GPR89A: variants seen among roughly 807,000 people sequenced by gnomAD.
GPR89A encodes the protein golgi pH regulator A.
A neutral mutation model predicts 52.0 loss-of-function variants in GPR89A; 16 were observed. The ratio of observed to expected loss-of-function variants is 0.31; its 90% CI spans 0.21 to 0.47. The LOEUF (loss-of-function observed/expected upper bound fraction) is 0.47, where lower values mean the gene tolerates loss of function less well. GPR89A is among the 20% of genes least tolerant of loss of function. The pLI, the probability that GPR89A is intolerant of heterozygous loss-of-function variation, is 1.00. For synonymous variants in GPR89A, 55 were observed against 150.9 expected (o/e 0.36, Z 4.66); for missense variants, 135 against 449.4 (o/e 0.30, Z 6.33).
In GPR89A at chr1:145,608,272, CCT is replaced by C. The variant is rs1302595826; in HGVS notation, c.42+102_42+103del. On this transcript the variant is annotated intron_variant, in intron 1 of 13. Transcript: ENST00000313835. ...GTGCGGGCTGGTCCGGGGTCTCGCTCCTCTCTTACGCGTCCTGCGCTAGTCAC... is the reference window on the plus strand; with the variant it reads ...GTGCGGGCTGGTCCGGGGTCTCGCTCCTCTTACGCGTCCTGCGCTAGTCAC... 5.3e-6 allele frequency: 8 copies of C among 1,519,432 alleles called. No homozygotes were observed. In the East Asian group the frequency reaches 9.0e-5, roughly 17 times the overall value. 94.1% of individuals were successfully genotyped at this position (1,519,432 alleles called of 1,614,324 possible).
At chr1:145,612,414 G>GTTTA (rs1648360428) in intron 1 of GPR89A, among the ~76,000 whole-genome samples, 1 of 151,954 alleles carries the variant, frequency 6.6e-6, no homozygotes, top group Admixed American at 6.6e-5. Context: ...TTTTGAAGTG[G>GTTTA]TTAAAAGCAC....
At chr1:145,664,153 A>ACC (rs1553696085) in intron 11 of GPR89A, among the ~76,000 whole-genome samples, 1 of 151,104 alleles carries the variant, frequency 6.6e-6, no homozygotes, top group African/African-American at 2.4e-5. Flanking sequence ...ACTGCGTGCT[A>ACC]CCCCCAGCCA....
chr1:145,650,432 G>A (rs1405347434), intron 10 of GPR89A, among the ~76,000 whole-genome samples: 1 of 152,040 alleles, frequency 6.6e-6, no homozygotes, highest in African/African-American at 2.4e-5. Flanking sequence ...TGTGAATAGT[G>A]CTGCAGTGGA....
intron 7 of GPR89A, among the ~76,000 whole-genome samples, chr1:145,642,722 T>TA (rs1650733989): frequency 6.6e-6 from 1 of 151,926 alleles, no homozygotes; most frequent in Non-Finnish European, 1.5e-5. Flanking sequence ...CACCTTGAGT[T>TA]ACATTTTTCT....
chr1:145,608,263 G>T, intron 1 of GPR89A, 88 bp downstream of exon 1: 1 of 1,559,530 alleles, frequency 6.4e-7, no homozygotes, highest in Non-Finnish European at 8.8e-7. Flanking sequence ...GCTGGTCCGG[G>T]GTCTCGCTCC....
At chr1:145,657,386 G>A (rs1437821944) in intron 10 of GPR89A, among the ~76,000 whole-genome samples, 1 of 145,028 alleles carries the variant, frequency 6.9e-6, no homozygotes, top group African/African-American at 2.6e-5. Flanking sequence ...GGGAGACTCT[G>A]TCTCAAAAAA....
Position 145,623,113 on chromosome 1 carries a change from T to C in GPR89A, c.266T>C (p.Met89Thr), listed in dbSNP as rs587749855. Residue 89 changes from methionine (M) to threonine (T), a missense_variant, in exon 4 of 14, where the codon ATG (methionine) becomes ACG (threonine). Transcript: ENST00000313835. Reference protein sequence around the residue: ...LCVILLILVFMVPFYIGYFIV... With the variant: ...LCVILLILVFTVPFYIGYFIV... ...GTAATTCTGCTGATCCTGGTTTTCA[T>C]GGTGCCTTTTTACATTGGCTATTTT... is the stretch of plus-strand genomic sequence containing the variant. 1.2e-5 allele frequency: 19 copies of C among 1,612,704 alleles called. No homozygotes were observed. The Admixed American group carries it at 2.5e-4, about 21-fold the overall frequency.
rs1455998988 is a variant in GPR89A, at chr1:145,647,182, T to C, written c.824T>C (p.Ile275Thr). 1.5e-5 allele frequency: 23 copies of C among 1,571,514 alleles called. No individual in the cohort carries two copies. The highest frequency in any genetic ancestry group is 1.1e-4 in the East Asian group (5 of 43,812). ...TADLYATKER[I>T]EYSKTFKGKY... is the part of the protein sequence containing the mutation. The stretch of plus-strand genomic sequence containing the variant: ...GTGTTTGTTTTCCCCCAGGAGAGAA[T>C]AGAATACTCCAAAACCTTCAAGGGG... Residue 275 changes from isoleucine (I) to threonine (T), a missense_variant, in exon 10 of 14, where the codon ATA (isoleucine) becomes ACA (threonine). By Grantham distance (89) the Ile-to-Thr change is moderately conservative (BLOSUM62 -1). Coordinates refer to ENST00000313835, the MANE Select transcript of GPR89A (RefSeq NM_001097612.2).
intron 3 of GPR89A, among the ~76,000 whole-genome samples, chr1:145,620,789 A>G (rs1415726826): frequency 7.2e-5 from 11 of 152,232 alleles, no homozygotes; most frequent in African/African-American, 2.6e-4. Context: ...CTATTCAAAT[A>G]TGTAATCTTG....
chr1:145,664,456 C>T (rs1652420696), intron 11 of GPR89A, among the ~76,000 whole-genome samples: 1 of 151,864 alleles, frequency 6.6e-6, no homozygotes. Flanking sequence ...TCAAGACCAG[C>T]CTGGGCAACA....
chr1:145,653,464 A>G (rs1211379143), intron 10 of GPR89A, among the ~76,000 whole-genome samples: 2 of 148,300 alleles, frequency 1.3e-5, no homozygotes, highest in African/African-American at 2.5e-5. Context: ...TTGGGTAGAG[A>G]GTTCTGTAGA....
At chr1:145,618,867 A>AT (rs1648905857) in intron 3 of GPR89A, among the ~76,000 whole-genome samples, 1 of 142,502 alleles carries the variant, frequency 7.0e-6, no homozygotes, top group South Asian at 2.4e-4. Flanking sequence ...ATTTTTATTG[A>AT]TTTTACAGTC....
In GPR89A at chr1:145,669,850, C is replaced by G. The variant is rs1553697180; in HGVS notation, c.1178C>G (p.Ser393Cys). The G allele has an allele frequency of 1.4e-6, 2 of 1,439,124 alleles. No individual in the cohort carries two copies. Among genetic ancestry groups the G allele is most frequent in the East Asian group, 4.6e-5 (2 of 43,744 alleles). The allele number at this position is 1,439,124 out of a possible 1,614,324, so 89.1% of individuals were successfully genotyped here. A position where few individuals can be genotyped will look rare whatever the true frequency, so the allele number is the denominator to read the frequency against. ...LAQIMGMYFV[S>C]SVLLIRMSMP... ...GACTTACAGGGCATGTACTTTGTCT[C>G]CTCTGTGCTGCTGATCCGAATGAGT... The change falls in exon 14 of 14, where the codon TCC becomes TGC. Residue 393 changes from serine to cysteine, a missense_variant. Around this residue, in one of 10 missense-constraint regions of GPR89A, gnomAD observed 22 missense variants for 48.4 expected, o/e 0.45. Coordinates refer to ENST00000313835, the MANE Select transcript of GPR89A (RefSeq NM_001097612.2).
intron 5 of GPR89A, among the ~76,000 whole-genome samples, chr1:145,626,946 C>T (rs1649544963): frequency 5.6e-4 from 3 of 5,354 alleles, no homozygotes; most frequent in Admixed American, 7.6e-3. Context: ...GAGCGAGACT[C>T]TACAAAAAAA....
chr1:145,649,552 A>T (rs587662652), intron 10 of GPR89A, among the ~76,000 whole-genome samples: 1 of 151,650 alleles, frequency 6.6e-6, no homozygotes, highest in African/African-American at 2.4e-5. Flanking sequence ...CATTCATCTG[A>T]TGATGAATAT....
intron 7 of GPR89A, among the ~76,000 whole-genome samples, chr1:145,632,509 C>T (rs1649949345): frequency 6.6e-6 from 1 of 152,128 alleles, no homozygotes; most frequent in African/African-American, 2.4e-5. Flanking sequence ...ATTTGTCTTT[C>T]TGTGTCCAAC....
intron 7 of GPR89A, among the ~76,000 whole-genome samples, chr1:145,639,051 C>G (rs1235050192): frequency 1.3e-5 from 2 of 150,736 alleles, no homozygotes; most frequent in Non-Finnish European, 2.9e-5. Flanking sequence ...TACAATCACT[C>G]ACAAAATGAA....
chr1:145,656,291 C>T (rs1256198121), intron 10 of GPR89A, among the ~76,000 whole-genome samples: 2 of 151,858 alleles, frequency 1.3e-5, no homozygotes, highest in Admixed American at 6.6e-5. Flanking sequence ...GCCCTGTTGG[C>T]CTGGGCTCAC....
chr1:145,608,470 C>G (rs1647993831), intron 1 of GPR89A: 2 of 633,808 alleles, frequency 3.2e-6, no homozygotes, highest in South Asian at 3.5e-5. Flanking sequence ...GCGCCGCCAG[C>G]TAAGGCGGCG....
Sources: allele counts gnomAD v4.1 joint callset (sites outside exome capture counted in the v4.1 genomes callset), GRCh38; gene constraint gnomAD v4.1.1; regional missense constraint gnomAD v4.1.1; transcripts MANE v1.5; gene names NCBI Gene and HGNC (gene_info 2026-07-23, HGNC 2026-07-21).